LRRC4C: variants seen among roughly 807,000 people sequenced by gnomAD.
LRRC4C encodes the protein leucine-rich repeat-containing protein 4C.
A neutral mutation model predicts 33.6 loss-of-function variants in LRRC4C; 5 were observed. The ratio of observed to expected loss-of-function variants is 0.15; its 90% CI spans 0.08 to 0.31. The LOEUF is 0.31. Ranked by LOEUF, LRRC4C falls within the 10% of genes least tolerant of loss-of-function variation. The probability of loss-of-function intolerance (pLI) is 1.00; values close to 1 mark genes in which losing one functional copy is unlikely to be tolerated. For synonymous variants in LRRC4C, 329 were observed against 302.0 expected, an observed-to-expected ratio of 1.09 and a Z score of -0.93; for missense variants, 560 against 796.7, an observed-to-expected ratio of 0.70 and a Z score of 3.58.
intron 3 of LRRC4C, among the ~76,000 whole-genome samples, chr11:40,367,126 C>T (rs561617988): frequency 6.6e-5 from 10 of 152,174 alleles, no homozygotes; most frequent in South Asian, 2.1e-4. Flanking sequence ...ATTGCAACCA[C>T]GTCTATCTTG....
chr11:41,342,379 C>T (rs1379867909), intron 1 of LRRC4C, among the ~76,000 whole-genome samples: 4 of 152,130 alleles, frequency 2.6e-5, no homozygotes, highest in Admixed American at 2.6e-4. Context: ...TAACCTCTTC[C>T]TGGAATTATT....
At chr11:40,385,185 C>A (rs1400304748) in intron 3 of LRRC4C, among the ~76,000 whole-genome samples, 2 of 152,156 alleles carry the variant, frequency 1.3e-5, no homozygotes, top group South Asian at 2.1e-4. Context: ...TGTGTTCTTG[C>A]TGTTTCATGG....
chr11:40,971,164 T>C (rs1276788570), intron 1 of LRRC4C, among the ~76,000 whole-genome samples: 3 of 152,200 alleles, frequency 2.0e-5, no homozygotes. Context: ...CAAATGCTGA[T>C]AGCCAGGGCA....
intron 2 of LRRC4C, among the ~76,000 whole-genome samples, chr11:40,857,352 C>G (rs1174924376): frequency 6.6e-6 from 1 of 152,186 alleles, no homozygotes; most frequent in African/African-American, 2.4e-5. Context: ...GATCTCCCCA[C>G]TGACCCTGCC....
chr11:40,489,032 G>T (rs1253778651), intron 3 of LRRC4C, among the ~76,000 whole-genome samples: 9 of 152,038 alleles, frequency 5.9e-5, no homozygotes, highest in Admixed American at 5.9e-4. Context: ...AATAACTGAG[G>T]AAGTCACCTG....
chr11:40,849,802 T>G (rs772287061), intron 2 of LRRC4C, among the ~76,000 whole-genome samples: 4 of 152,010 alleles, frequency 2.6e-5, no homozygotes, highest in Non-Finnish European at 4.4e-5. Context: ...TCATTTTACA[T>G]AATCCCATAT....
chr11:41,100,656 C>T lies in LRRC4C; in HGVS notation c.-495-166933G>A, dbSNP rs1043306036. Reference sequence around the variant, plus strand: ...CATATTCAATGCTATTTCTATCAAACCAATGACATTCTTCACAGAACTAGA... The same window carrying T: ...CATATTCAATGCTATTTCTATCAAATCAATGACATTCTTCACAGAACTAGA... On this transcript the variant is annotated intron_variant, in intron 1 of 6. Coordinates refer to ENST00000528697, the MANE Select transcript of LRRC4C (RefSeq NM_001258419.2). 1.3e-5 allele frequency among the ~76,000 whole-genome samples: 2 copies of T among 152,070 alleles called. 1 individual carries two copies. The highest frequency in any genetic ancestry group is 1.3e-4 in the Admixed American group (2 of 15,246).
chr11:41,048,260 C>CTTTTTT (rs35599405), intron 1 of LRRC4C, among the ~76,000 whole-genome samples: 5 of 107,102 alleles, frequency 4.7e-5, no homozygotes, highest in Admixed American at 1.2e-4. Context: ...AGATTCTTTA[C>CTTTTTT]TTTTTTTTTT....
intron 2 of LRRC4C, among the ~76,000 whole-genome samples, chr11:40,695,616 C>T (rs548478785): frequency 6.6e-6 from 1 of 152,234 alleles, no homozygotes; most frequent in Admixed American, 6.5e-5. Context: ...ACGATGGCAG[C>T]ACCAGCTGTT....
intron 1 of LRRC4C, among the ~76,000 whole-genome samples, chr11:41,108,314 T>G (rs1941633085): frequency 6.6e-6 from 1 of 152,136 alleles, no homozygotes; most frequent in African/African-American, 2.4e-5. Flanking sequence ...AATCTTTTCT[T>G]TATATAATCC....
At position 41,317,219 on chromosome 11, in the gene LRRC4C, A is replaced by G. The variant is rs1591250289; in HGVS notation, c.-496+142212T>C. The stretch of plus-strand genomic sequence containing the variant: ...TTGCAGTATGGCTATTTGGCTTAGG[A>G]CAAGTCATTTAACCTTGATAAGCCA... On this transcript the variant is annotated intron_variant, in intron 1 of 6. Coordinates refer to ENST00000528697, the MANE Select transcript of LRRC4C (RefSeq NM_001258419.2). Among the ~76,000 whole-genome samples, 4 of 151,848 alleles carry G rather than the reference A, an allele frequency of 2.6e-5. No individual in the cohort carries two copies. In the South Asian group the frequency reaches 8.3e-4, roughly 32 times the overall value.
chr11:41,011,731 A>G (rs1855199485), intron 1 of LRRC4C, among the ~76,000 whole-genome samples: 1 of 151,290 alleles, frequency 6.6e-6, no homozygotes, highest in Non-Finnish European at 1.5e-5. Flanking sequence ...TCTAGACTCC[A>G]TCATTTACAA....
At chr11:40,750,817 AAAAAG>A (rs965359048) in intron 2 of LRRC4C, among the ~76,000 whole-genome samples, 3 of 150,600 alleles carry the variant, frequency 2.0e-5, no homozygotes, top group Admixed American at 6.6e-5. Context: ...AGAAAAAAAA[AAAAAG>A]AAAAGTAGAG....
chr11:41,185,916 AC>A (rs1289762481), intron 1 of LRRC4C, among the ~76,000 whole-genome samples: 2 of 152,090 alleles, frequency 1.3e-5, no homozygotes, highest in African/African-American at 2.4e-5. Flanking sequence ...ATGTATTAAC[AC>A]CTATATAAAA....
intron 1 of LRRC4C, among the ~76,000 whole-genome samples, chr11:41,382,221 A>T (rs949680979): frequency 6.6e-6 from 1 of 152,058 alleles, no homozygotes; most frequent in African/African-American, 2.4e-5. Context: ...TTCAGAGATT[A>T]AAGATTTATT....
At chr11:40,546,249 G>T (rs1444793892) in intron 3 of LRRC4C, among the ~76,000 whole-genome samples, 3 of 151,910 alleles carry the variant, frequency 2.0e-5, no homozygotes, top group Non-Finnish European at 4.4e-5. Context: ...CACATTGGTA[G>T]AGGAGATTAT....
intron 1 of LRRC4C, among the ~76,000 whole-genome samples, chr11:41,350,690 C>A (rs369409372): frequency 5.7e-4 from 87 of 152,162 alleles, no homozygotes; most frequent in African/African-American, 2.0e-3. Context: ...CAATGAAGAT[C>A]ATCAAGATTC....
At chr11:41,012,151 C>A (rs1855247950) in intron 1 of LRRC4C, among the ~76,000 whole-genome samples, 1 of 152,036 alleles carries the variant, frequency 6.6e-6, no homozygotes, top group African/African-American at 2.4e-5. Context: ...TACAGTCACT[C>A]TACTGGTCTG....
chr11:40,669,156 A>C (rs1943958588), intron 2 of LRRC4C, among the ~76,000 whole-genome samples: 1 of 152,220 alleles, frequency 6.6e-6, no homozygotes, highest in Non-Finnish European at 1.5e-5. Flanking sequence ...GAATAAATGA[A>C]TGGGCCCCTT....
Sources: gnomAD v4.1 joint callset for allele counts (sites outside exome capture counted in the v4.1 genomes callset) on GRCh38, gnomAD v4.1.1 for gene constraint, MANE v1.5 for transcripts, NCBI Gene and HGNC (gene_info 2026-07-23, HGNC 2026-07-21) for gene names.